The following GPR149 variants were observed in gnomAD, a reference collection of about 807,000 sequenced individuals.
The protein encoded by GPR149 is probable G protein-coupled receptor 149.
GPR149 carries 50 observed loss-of-function variants against 50.2 expected under a neutral mutation model. That is an observed-to-expected ratio of 1.00 (90% CI 0.79 to 1.26). The LOEUF is 1.26. GPR149 is among the 50% of genes most tolerant of loss of function. GPR149 has a pLI of 0.00. For synonymous variants in GPR149, 405 were observed against 358.2 expected, an observed-to-expected ratio of 1.13 and a Z score of -1.48; for missense variants, 983 against 895.4, an observed-to-expected ratio of 1.10 and a Z score of -1.25.
chr3:154,348,929 T>G (rs1209205260), intron 3 of GPR149, among the ~76,000 whole-genome samples: 1 of 152,102 alleles, frequency 6.6e-6, no homozygotes, highest in Non-Finnish European at 1.5e-5. Flanking sequence ...AAACAGTATG[T>G]TCTCTGACCA....
At chr3:154,364,620 G>T (rs150795345) in intron 3 of GPR149, among the ~76,000 whole-genome samples, 149 of 152,330 alleles carry the variant, frequency 9.8e-4, no homozygotes, top group African/African-American at 3.2e-3. Context: ...CAAGAAGAAA[G>T]AAGTAATACG....
rs751151959 is a variant in GPR149 at position 154,427,568 on chromosome 3, G to A, written c.1122C>T (p.Cys374=). 12 of 1,613,940 alleles carry A rather than the reference G, an allele frequency of 7.4e-6. No individual in the cohort carries two copies. The highest frequency in any genetic ancestry group is 9.3e-6 in the Non-Finnish European group (11 of 1,179,986). Reference sequence around the variant, plus strand: ...ATGCGTTCTGCCTGCAGTTGATGATGCAGCCACAGGGCAAGTGGGTCCAGC... The same window carrying A: ...ATGCGTTCTGCCTGCAGTTGATGATACAGCCACAGGGCAAGTGGGTCCAGC... ...SKRWTHLPCG[C]IINCRQNAYA... Residue 374 remains cysteine (C), a synonymous_variant, in exon 2 of 4, where the codon TGC becomes TGT. Coordinates refer to ENST00000389740, the MANE Select transcript of GPR149 (RefSeq NM_001038705.3).
chr3:154,366,868 A>C (rs770206199), intron 3 of GPR149, among the ~76,000 whole-genome samples: 17 of 152,244 alleles, frequency 1.1e-4, no homozygotes, highest in Non-Finnish European at 2.9e-5. Flanking sequence ...GATTTCTTGA[A>C]ACTGTTCCCC....
At chr3:154,388,869 AAAACACACACACAC>A (rs1200124749) in intron 3 of GPR149, among the ~76,000 whole-genome samples, 13 of 121,350 alleles carry the variant, frequency 1.1e-4, no homozygotes, top group African/African-American at 3.8e-4. Context: ...ACACATATGA[AAAACACACACACAC>A]ACACACACAC....
chr3:154,400,074 C>T (rs1325767701), intron 3 of GPR149, among the ~76,000 whole-genome samples: 3 of 152,152 alleles, frequency 2.0e-5, no homozygotes, highest in Admixed American at 6.5e-5. Flanking sequence ...GCAAGCTCCG[C>T]CTCCCGGGTT....
intron 3 of GPR149, chr3:154,353,216 C>T: frequency 6.5e-7 from 1 of 1,532,112 alleles, no homozygotes; most frequent in Non-Finnish European, 9.0e-7. Flanking sequence ...CTGCTGGCCT[C>T]TGAGACCAAT....
At chr3:154,348,594 T>C (rs1342444371) in intron 3 of GPR149, among the ~76,000 whole-genome samples, 1 of 152,020 alleles carries the variant, frequency 6.6e-6, no homozygotes, top group Non-Finnish European at 1.5e-5. Flanking sequence ...AACAGAACTG[T>C]TAAATATATA....
chr3:154,405,481 A>T (rs998117637), intron 3 of GPR149, among the ~76,000 whole-genome samples: 2 of 150,764 alleles, frequency 1.3e-5, no homozygotes, highest in African/African-American at 4.9e-5. Context: ...CCAGCTACTC[A>T]GGAGGCTGAA....
chr3:154,353,361 AAAAGT>A, intron 3 of GPR149: 1 of 1,407,796 alleles, frequency 7.1e-7, no homozygotes, highest in Non-Finnish European at 1.0e-6. Context: ...AGTTGCAGAA[AAAAGT>A]AAAGTCTGAG....
chr3:154,422,539 T>C (rs1315693911), intron 2 of GPR149, among the ~76,000 whole-genome samples: 2 of 151,788 alleles, frequency 1.3e-5, no homozygotes, highest in Non-Finnish European at 3.0e-5. Flanking sequence ...ATAATCTTTC[T>C]ATGGAAAAGA....
At chr3:154,423,197 G>A (rs1024386097) in intron 2 of GPR149, among the ~76,000 whole-genome samples, 2 of 151,892 alleles carry the variant, frequency 1.3e-5, no homozygotes, top group African/African-American at 2.4e-5. Flanking sequence ...AGACCATGAT[G>A]TGATAGAACA....
Position 154,400,041 on chromosome 3 carries a change from C to T in GPR149, c.1623+20998G>A, listed in dbSNP as rs565829480. ...TCACTCTGTTGCCCAGGCTGGAGTG[C>T]GGTGGCGCGATCTCGGCTCACTGCA... On this transcript the variant is annotated intron_variant, in intron 3 of 3. Coordinates refer to ENST00000389740, the MANE Select transcript of GPR149 (RefSeq NM_001038705.3). 2.3e-4 allele frequency among the ~76,000 whole-genome samples: 35 copies of T among 152,224 alleles called. No individual in the cohort carries two copies. The South Asian group carries it at 7.1e-3, about 31-fold the overall frequency.
At chr3:154,426,871 CGTGTGTGTGTGT>C (rs61087162) in intron 2 of GPR149, among the ~76,000 whole-genome samples, 1,988 of 144,494 alleles carry the variant, frequency 0.014, 36 homozygotes, top group African/African-American at 0.031. Flanking sequence ...TGGACCAGGG[CGTGTGTGTGTGT>C]GTGTGTGTGT....
chr3:154,360,594 G>A (rs562039457), intron 3 of GPR149, among the ~76,000 whole-genome samples: 1 of 152,192 alleles, frequency 6.6e-6, no homozygotes, highest in East Asian at 1.9e-4. Flanking sequence ...GGGCAGTATG[G>A]CACTAGAAAA....
At chr3:154,428,593 C>T (rs945260081) in intron 1 of GPR149, 42 bp downstream of exon 1, 1 of 1,582,880 alleles carries the variant, frequency 6.3e-7, no homozygotes, top group African/African-American at 1.4e-5. Context: ...TTTACACTGT[C>T]TGGCACACAC....
chr3:154,367,640 A>G (rs1044862590), intron 3 of GPR149, among the ~76,000 whole-genome samples: 12 of 152,146 alleles, frequency 7.9e-5, no homozygotes, highest in Non-Finnish European at 2.9e-5. Context: ...CTGGCTACCC[A>G]CTTGGGACAC....
intron 3 of GPR149, among the ~76,000 whole-genome samples, chr3:154,399,093 G>T (rs1343677899): frequency 1.3e-5 from 2 of 152,122 alleles, no homozygotes; most frequent in Non-Finnish European, 2.9e-5. Flanking sequence ...GTCCCAACCT[G>T]CTGGGATCCT....
chr3:154,428,899 A>G lies in GPR149; in HGVS notation c.717T>C (p.Pro239=), dbSNP rs777403442. The change falls in exon 1 of 4, where the codon CCT becomes CCC. Residue 239 remains proline, a synonymous_variant. Transcript: ENST00000389740. The stretch of plus-strand genomic sequence containing the variant: ...CTCTCCCCGCAGTAGGAGGGGTCCC[A>G]GGAATTGAAGCTCCACGGGAAATTT... ...YQEISRGASI[P]GTPPTAGRVV... The G allele has an allele frequency of 1.2e-6, 2 of 1,613,952 alleles. No homozygotes were observed. The highest frequency in any genetic ancestry group is 3.3e-5 in the Admixed American group (2 of 60,008).
chr3:154,337,337 GTA>G lies in GPR149; in HGVS notation c.*360_*361del, dbSNP rs1713677425. Among the ~76,000 whole-genome samples the G allele has an allele frequency of 6.6e-6, 1 of 152,022 alleles. No homozygotes were observed. Among genetic ancestry groups the G allele is most frequent in the South Asian group, 2.1e-4 (1 of 4,828 alleles). On this transcript the variant is annotated 3_prime_UTR_variant, in exon 4 of 4. Transcript: ENST00000389740. ...CCCCTTTGCAGTAAAGGCCAACATT[GTA>G]TATAGAAACATATGCATGGAACAGT...
Sources: allele counts gnomAD v4.1 joint callset (sites outside exome capture counted in the v4.1 genomes callset), GRCh38; gene constraint gnomAD v4.1.1; transcripts MANE v1.5; gene names NCBI Gene and HGNC (gene_info 2026-07-23, HGNC 2026-07-21).